The following COL23A1 variants were observed in gnomAD, a reference collection of about 807,000 sequenced individuals.
The protein encoded by COL23A1 is collagen alpha-1(XXIII) chain.
A neutral mutation model predicts 99.3 loss-of-function variants in COL23A1; 97 were observed. The observed-to-expected ratio is 0.98, with a 90% CI of 0.83 to 1.16. The LOEUF is 1.16. Among genes scored for constraint, COL23A1 ranks in the 50% most tolerant of loss-of-function variants. The probability of loss-of-function intolerance (pLI) is 0.00; values close to 1 mark genes in which losing one functional copy is unlikely to be tolerated. For synonymous variants in COL23A1, 320 were observed against 308.2 expected (o/e 1.04, Z -0.40); for missense variants, 762 against 757.4 (o/e 1.01, Z -0.07).
rs550336674 is a variant in COL23A1, at chr5:178,306,976, C to T, written c.362-57G>A. 7 of 1,314,624 alleles carry T rather than the reference C, an allele frequency of 5.3e-6. No homozygotes were observed. Among genetic ancestry groups the T allele is most frequent in the Non-Finnish European group, 4.0e-6 (4 of 989,654 alleles). 81.4% of individuals were successfully genotyped at this position (1,314,624 alleles called of 1,614,324 possible). A position where few individuals can be genotyped will look rare whatever the true frequency, so the allele number is the denominator to read the frequency against. On this transcript the variant is annotated intron_variant, in intron 2 of 28. Coordinates refer to ENST00000390654, the MANE Select transcript of COL23A1 (RefSeq NM_173465.4). This position sits in a 1 kb window ranked among gnomAD's most constrained non-coding sequence, Gnocchi z 4.1. ...GAAGGGAAGCCAGTGGACTTGGCTG[C>T]GTGGGGCATGCCCCAGCCACCCACC...
intron 2 of COL23A1, among the ~76,000 whole-genome samples, chr5:178,400,829 G>C (rs1764409326): frequency 6.6e-6 from 1 of 152,060 alleles, no homozygotes; most frequent in Non-Finnish European, 1.5e-5. Context: ...GTAGAGACAG[G>C]GTTTCACCAT....
chr5:178,498,657 AAATC>A, intron 2 of COL23A1, among the ~76,000 whole-genome samples: 1 of 152,216 alleles, frequency 6.6e-6, no homozygotes, highest in East Asian at 1.9e-4. Flanking sequence ...AAGTCCGAAT[AAATC>A]AATAAATACT....
chr5:178,576,055 G>T (rs1001750183), intron 1 of COL23A1, among the ~76,000 whole-genome samples: 2 of 152,342 alleles, frequency 1.3e-5, no homozygotes, highest in East Asian at 3.9e-4. Context: ...GCTTTTGGCA[G>T]TCCCTCAATA....
intron 2 of COL23A1, among the ~76,000 whole-genome samples, chr5:178,557,338 T>C (rs187536431): frequency 1.3e-5 from 2 of 152,320 alleles, no homozygotes; most frequent in African/African-American, 4.8e-5. Context: ...TTTTCAAAGG[T>C]CACATTCACA....
chr5:178,412,938 A>C (rs2127782962), intron 2 of COL23A1, among the ~76,000 whole-genome samples: 1 of 152,276 alleles, frequency 6.6e-6, no homozygotes, highest in Admixed American at 6.5e-5. Flanking sequence ...CCCAAGAATG[A>C]CAGCACAGCC....
rs370956699 is a variant in COL23A1, at chr5:178,466,957, G to C, written c.361+93725C>G. On this transcript the variant is annotated intron_variant, in intron 2 of 28. Transcript: ENST00000390654. ...GGAAGCCACAGCCTCAGTTTCCCCA[G>C]CTGTAAAATGGGGATAATAGTCCCT... 1.1e-4 allele frequency among the ~76,000 whole-genome samples: 16 copies of C among 152,222 alleles called. No individual in the cohort carries two copies. The East Asian group carries it at 1.9e-3, about 18-fold the overall frequency.
At chr5:178,588,663 A>G (rs1225759111) in intron 1 of COL23A1, among the ~76,000 whole-genome samples, 1 of 152,210 alleles carries the variant, frequency 6.6e-6, no homozygotes, top group Non-Finnish European at 1.5e-5. Flanking sequence ...ACCCAGCTAG[A>G]AGAGATGTGA....
At chr5:178,348,967 CCAAGCAGGAGT>C in intron 2 of COL23A1, among the ~76,000 whole-genome samples, 19 of 152,128 alleles carry the variant, frequency 1.2e-4, no homozygotes, top group African/African-American at 4.6e-4. Context: ...CCACCTGAAC[CCAAGCAGGAGT>C]GGGGTGAACA....
In COL23A1 at chr5:178,365,127, C is replaced by CTGTGTGCG. The variant is rs1762391050; in HGVS notation, c.362-58209_362-58208insCGCACACA. ...CTTTGGGGTGGGCTTTATGATGTTG[C>CTGTGTGCG]TGTGTGTGCGTGTGTGTGTGTGTGT... is the stretch of plus-strand genomic sequence containing the variant. On this transcript the variant is annotated intron_variant, in intron 2 of 28. Coordinates refer to ENST00000390654, the MANE Select transcript of COL23A1 (RefSeq NM_173465.4). This position sits in a 1 kb window ranked among gnomAD's most constrained non-coding sequence, Gnocchi z 5.2. Among the ~76,000 whole-genome samples the CTGTGTGCG allele has an allele frequency of 8.3e-6, 1 of 120,508 alleles. No individual in the cohort carries two copies. Among genetic ancestry groups the CTGTGTGCG allele is most frequent in the Admixed American group, 9.9e-5 (1 of 10,102 alleles). The allele number at this position is 120,508 out of a possible 152,430, so 79.1% of individuals were successfully genotyped here.
At chr5:178,526,009 T>A (rs1471034664) in intron 2 of COL23A1, among the ~76,000 whole-genome samples, 1 of 152,258 alleles carries the variant, frequency 6.6e-6, no homozygotes, top group East Asian at 1.9e-4. Context: ...CTTGAGGTAG[T>A]CAGCACTGCA....
chr5:178,390,254 C>T (rs551890249), intron 2 of COL23A1, among the ~76,000 whole-genome samples: 12 of 152,316 alleles, frequency 7.9e-5, no homozygotes, highest in South Asian at 2.1e-4. Context: ...GGCTAACTTG[C>T]AGGAAGAACA....
At chr5:178,372,773 G>A (rs1025279453) in intron 2 of COL23A1, among the ~76,000 whole-genome samples, 5 of 151,882 alleles carry the variant, frequency 3.3e-5, no homozygotes, top group Admixed American at 1.3e-4. Context: ...ACAGGGTTTC[G>A]CCATGTTGCC....
rs545557269 is a variant in COL23A1 at position 178,328,266 on chromosome 5, G to A, written c.362-21347C>T. 3.1e-3 allele frequency among the ~76,000 whole-genome samples: 469 copies of A among 152,018 alleles called. 4 individuals carry two copies. Among genetic ancestry groups the A allele is most frequent in the African/African-American group, 0.011 (444 of 41,446 alleles). On this transcript the variant is annotated intron_variant, in intron 2 of 28. Coordinates refer to ENST00000390654, the MANE Select transcript of COL23A1 (RefSeq NM_173465.4). Reference sequence around the variant, plus strand: ...TCATCCCCCCTGTCCCTGTCCACACGCCCCACTGCGTTTTCACCTCTGGGC... The same window carrying A: ...TCATCCCCCCTGTCCCTGTCCACACACCCCACTGCGTTTTCACCTCTGGGC...
chr5:178,584,023 C>T (rs905001482), intron 1 of COL23A1, among the ~76,000 whole-genome samples: 2 of 152,056 alleles, frequency 1.3e-5, no homozygotes, highest in Non-Finnish European at 2.9e-5. Flanking sequence ...CCACCATGCC[C>T]AGCTGATTAT....
intron 2 of COL23A1, among the ~76,000 whole-genome samples, chr5:178,558,858 G>A (rs1388457094): frequency 2.6e-5 from 4 of 151,000 alleles, no homozygotes; most frequent in Admixed American, 6.6e-5. Flanking sequence ...GTGCAATCTC[G>A]GCTCACTGCA....
Position 178,310,760 on chromosome 5 carries a change from C to T in COL23A1, c.362-3841G>A, listed in dbSNP as rs912206186. Among the ~76,000 whole-genome samples, 4 of 152,178 alleles carry T rather than the reference C, an allele frequency of 2.6e-5. No homozygotes were observed. Among genetic ancestry groups the T allele is most frequent in the African/African-American group, 9.7e-5 (4 of 41,444 alleles). Reference sequence around the variant, plus strand: ...CCGGCCCCTGGGAGAGCAGGGCCAGCTTGGCTGCAGCTAAGACCTGGCTCC... The same window carrying T: ...CCGGCCCCTGGGAGAGCAGGGCCAGTTTGGCTGCAGCTAAGACCTGGCTCC... On this transcript the variant is annotated intron_variant, in intron 2 of 28. Coordinates refer to ENST00000390654, the MANE Select transcript of COL23A1 (RefSeq NM_173465.4). This position sits in a 1 kb window ranked among gnomAD's most constrained non-coding sequence, Gnocchi z 4.3.
At chr5:178,535,344 T>C (rs56249105) in intron 2 of COL23A1, among the ~76,000 whole-genome samples, 8,247 of 152,322 alleles carry the variant, frequency 0.054, 232 homozygotes, top group Non-Finnish European at 0.063. Flanking sequence ...CTTCCTTATC[T>C]ACTCCAACAG....
At chr5:178,446,939 T>C (rs1010905641) in intron 2 of COL23A1, among the ~76,000 whole-genome samples, 3 of 152,108 alleles carry the variant, frequency 2.0e-5, no homozygotes, top group Non-Finnish European at 2.9e-5. Flanking sequence ...GTTTATAAAC[T>C]CTAATTATGA....
At chr5:178,323,903 A>C (rs1759489682) in intron 2 of COL23A1, among the ~76,000 whole-genome samples, 1 of 152,184 alleles carries the variant, frequency 6.6e-6, no homozygotes, top group African/African-American at 2.4e-5. Flanking sequence ...GATATGTCCC[A>C]AGTCACACAG....
Sources: gnomAD v4.1 joint callset for allele counts (sites outside exome capture counted in the v4.1 genomes callset) on GRCh38, gnomAD v4.1.1 for gene constraint, Gnocchi (gnomAD v3.1) non-coding constraint, MANE v1.5 for transcripts, NCBI Gene and HGNC (gene_info 2026-07-23, HGNC 2026-07-21) for gene names.